GPM6A: variants seen among roughly 807,000 people sequenced by gnomAD.
The protein encoded by GPM6A is neuronal membrane glycoprotein M6-a.
Under a neutral mutation model 32.1 loss-of-function variants are expected in GPM6A, and 7 were observed. That is an observed-to-expected ratio of 0.22 (90% confidence interval 0.12 to 0.41). GPM6A has a LOEUF of 0.41. GPM6A is among the 10% of genes least tolerant of loss of function. The pLI is 1.00. For missense variants in GPM6A, 235 were observed against 347.2 expected (o/e 0.68, Z 2.57); for synonymous variants, 130 against 123.4 (o/e 1.05, Z -0.35).
intron 1 of GPM6A, among the ~76,000 whole-genome samples, chr4:175,791,310 C>T (rs1560934948): frequency 1.3e-5 from 2 of 152,102 alleles, no homozygotes; most frequent in African/African-American, 4.8e-5. Flanking sequence ...TTGAAGATAT[C>T]AGTTTTAAGA....
At chr4:175,719,167 A>T (rs1745988601) in intron 1 of GPM6A, among the ~76,000 whole-genome samples, 1 of 151,844 alleles carries the variant, frequency 6.6e-6, no homozygotes, top group Non-Finnish European at 1.5e-5. Flanking sequence ...TCTATCTCAT[A>T]GTTACTACAA....
At chr4:175,893,142 T>C (rs192143094) in intron 1 of GPM6A, among the ~76,000 whole-genome samples, 12 of 152,340 alleles carry the variant, frequency 7.9e-5, no homozygotes, top group African/African-American at 2.4e-4. Flanking sequence ...ACAGTGATGG[T>C]AAACCTACGA....
chr4:175,677,228 C>T (rs1052054423), intron 2 of GPM6A, among the ~76,000 whole-genome samples: 4 of 152,032 alleles, frequency 2.6e-5, no homozygotes, highest in Admixed American at 2.6e-4. Flanking sequence ...CACATTTTTG[C>T]TATGATAAGT....
intron 1 of GPM6A, among the ~76,000 whole-genome samples, chr4:175,837,660 G>C (rs955167613): frequency 1.3e-5 from 2 of 152,196 alleles, no homozygotes; most frequent in African/African-American, 2.4e-5. Flanking sequence ...AGCACTGACA[G>C]AGAGTTGCTA....
intron 1 of GPM6A, among the ~76,000 whole-genome samples, chr4:175,782,664 G>A (rs889180684): frequency 2.0e-5 from 3 of 152,012 alleles, no homozygotes; most frequent in African/African-American, 7.2e-5. Context: ...GGAAATTACA[G>A]ATAAGTTGTT....
chr4:175,773,851 A>T (rs1733287864), intron 1 of GPM6A, among the ~76,000 whole-genome samples: 1 of 152,186 alleles, frequency 6.6e-6, no homozygotes, highest in Non-Finnish European at 1.5e-5. Context: ...AAGAACAAAG[A>T]CTGTTTTTAA....
intron 1 of GPM6A, among the ~76,000 whole-genome samples, chr4:175,930,346 G>A (rs1039246359): frequency 6.1e-5 from 9 of 147,940 alleles, no homozygotes; most frequent in East Asian, 2.0e-4. Flanking sequence ...AATTTTAGCC[G>A]AGACCAGAGC....
intron 1 of GPM6A, among the ~76,000 whole-genome samples, chr4:175,834,147 A>T: frequency 9.9e-6 from 1 of 100,912 alleles, no homozygotes; most frequent in South Asian, 3.9e-4. Context: ...CGATTTACTC[A>T]ACTGTTTATT....
At chr4:175,919,443 T>C (rs1738598846) in intron 1 of GPM6A, among the ~76,000 whole-genome samples, 1 of 152,184 alleles carries the variant, frequency 6.6e-6, no homozygotes, top group Non-Finnish European at 1.5e-5. Flanking sequence ...TAAACATTTC[T>C]AACTTAAAAA....
intron 1 of GPM6A, among the ~76,000 whole-genome samples, chr4:175,729,518 C>G (rs79025032): frequency 0.016 from 2,396 of 152,032 alleles, 33 homozygotes; most frequent in Non-Finnish European, 0.024. Flanking sequence ...TAAATAAGAA[C>G]TAGTATTTGC....
chr4:175,947,251 A>C (rs1739639111), intron 1 of GPM6A, among the ~76,000 whole-genome samples: 1 of 151,620 alleles, frequency 6.6e-6, no homozygotes, highest in African/African-American at 2.4e-5. Context: ...TTCAATTCTT[A>C]TGTGTTTATT....
chr4:175,658,623 C>G (rs750634269), intron 3 of GPM6A, among the ~76,000 whole-genome samples: 5 of 152,078 alleles, frequency 3.3e-5, no homozygotes, highest in Non-Finnish European at 7.3e-5. Context: ...GTAAATGTGC[C>G]ATTCTGGTGG....
rs62336044 is a variant in GPM6A at position 175,754,702 on chromosome 4, T to C, written c.38-52935A>G. 8.9e-4 allele frequency among the ~76,000 whole-genome samples: 135 copies of C among 152,268 alleles called. 1 individual carries two copies. Among genetic ancestry groups the C allele is most frequent in the Non-Finnish European group, 1.4e-3 (97 of 67,998 alleles). On this transcript the variant is annotated intron_variant, in intron 1 of 6. Coordinates refer to ENST00000393658, the MANE Select transcript of GPM6A (RefSeq NM_201591.3). ...GCCAGTATCTAGAAGTACATTCACATTTGTTTTACCTACAAATAGAATGCA... is the reference window on the plus strand; with the variant it reads ...GCCAGTATCTAGAAGTACATTCACACTTGTTTTACCTACAAATAGAATGCA...
At chr4:175,917,270 T>C (rs1560992904) in intron 1 of GPM6A, among the ~76,000 whole-genome samples, 1 of 152,112 alleles carries the variant, frequency 6.6e-6, no homozygotes, top group Admixed American at 6.5e-5. Context: ...TTTTGTTTTT[T>C]TTTAATCTTT....
In GPM6A at chr4:175,649,192, T is replaced by C. The variant is rs1365099583; in HGVS notation, c.541+2642A>G. Among the ~76,000 whole-genome samples, 5 of 152,330 alleles carry C rather than the reference T, an allele frequency of 3.3e-5. No individual in the cohort carries two copies. In the Middle Eastern group the frequency reaches 0.01, roughly 311 times the overall value. ...CTCCATTTCTTTTAGACCAGACAGCTGGACTGGTGACAAATGAAGTCCATT... is the reference window on the plus strand; with the variant it reads ...CTCCATTTCTTTTAGACCAGACAGCCGGACTGGTGACAAATGAAGTCCATT... On this transcript the variant is annotated intron_variant, in intron 4 of 6. Coordinates refer to ENST00000393658, the MANE Select transcript of GPM6A (RefSeq NM_201591.3).
At chr4:175,951,125 G>A (rs1468799961) in intron 1 of GPM6A, among the ~76,000 whole-genome samples, 1 of 152,026 alleles carries the variant, frequency 6.6e-6, no homozygotes, top group African/African-American at 2.4e-5. Context: ...ACAACACGTC[G>A]ATAAATAATT....
intron 1 of GPM6A, among the ~76,000 whole-genome samples, chr4:175,724,365 T>C (rs2111123716): frequency 6.6e-6 from 1 of 152,176 alleles, no homozygotes; most frequent in Middle Eastern, 3.4e-3. Flanking sequence ...GCCAACATGG[T>C]GAAACCCCGT....
chr4:175,660,627 A>T (rs1274210606), intron 3 of GPM6A, among the ~76,000 whole-genome samples: 2 of 152,198 alleles, frequency 1.3e-5, no homozygotes, highest in Non-Finnish European at 2.9e-5. Context: ...ACAATTTTTT[A>T]AAAAACACAA....
intron 1 of GPM6A, among the ~76,000 whole-genome samples, chr4:175,734,511 T>G (rs1461471539): frequency 6.6e-6 from 1 of 152,152 alleles, no homozygotes; most frequent in Non-Finnish European, 1.5e-5. Context: ...TTTGCTAGTT[T>G]CAAGGTTTCT....
Sources: gnomAD v4.1 joint callset for allele counts (sites outside exome capture counted in the v4.1 genomes callset) on GRCh38, gnomAD v4.1.1 for gene constraint, MANE v1.5 for transcripts, NCBI Gene and HGNC (gene_info 2026-07-23, HGNC 2026-07-21) for gene names.